Variants in TRPM3 observed in about 807,000 individuals in gnomAD.
The protein encoded by TRPM3 is long transient receptor potential channel 3.
In TRPM3, 77 loss-of-function variants were observed where a neutral mutation model predicts 181.2. That is an observed-to-expected ratio of 0.42 (90% confidence interval 0.35 to 0.51). TRPM3 has a LOEUF of 0.51. Ranked by LOEUF, TRPM3 falls within the 20% of genes least tolerant of loss-of-function variation. The pLI, the probability that TRPM3 is intolerant of heterozygous loss-of-function variation, is 0.01. For synonymous variants in TRPM3, 745 were observed against 796.4 expected (o/e 0.94, Z 1.09); for missense variants, 1,759 against 2,196.7 (o/e 0.80, Z 3.98).
intron 1 of TRPM3, among the ~76,000 whole-genome samples, chr9:70,941,258 G>A (rs1286617390): frequency 2.2e-4 from 33 of 152,276 alleles, no homozygotes; most frequent in Middle Eastern, 3.4e-3. Context: ...AGGAGAAGAC[G>A]GAAGAGCAGA....
At chr9:71,031,159 CAA>C (rs1565018253) in intron 1 of TRPM3, among the ~76,000 whole-genome samples, 2 of 152,024 alleles carry the variant, frequency 1.3e-5, no homozygotes, top group African/African-American at 4.8e-5. Context: ...ATGAAAAAAA[CAA>C]GATACTTAAT....
chr9:71,311,446 T>C (rs1316998069), intron 1 of TRPM3, among the ~76,000 whole-genome samples: 2 of 152,146 alleles, frequency 1.3e-5, no homozygotes, highest in Non-Finnish European at 2.9e-5. Flanking sequence ...GAGAGCCATA[T>C]AGTTAGACAC....
chr9:70,902,151 G>A (rs1053275660), intron 1 of TRPM3, among the ~76,000 whole-genome samples: 6 of 152,298 alleles, frequency 3.9e-5, no homozygotes, highest in Middle Eastern at 3.4e-3. Flanking sequence ...CTCTCCCCAT[G>A]TCTAGCTGTT....
intron 8 of TRPM3, among the ~76,000 whole-genome samples, chr9:70,753,786 G>A (rs1011551320): frequency 6.6e-6 from 1 of 151,832 alleles, no homozygotes; most frequent in Admixed American, 6.6e-5. Flanking sequence ...CTTAGATTTT[G>A]GAGCAGCAAG....
At chr9:71,185,098 C>T (rs1443095240) in intron 1 of TRPM3, among the ~76,000 whole-genome samples, 1 of 152,028 alleles carries the variant, frequency 6.6e-6, no homozygotes, top group African/African-American at 2.4e-5. Flanking sequence ...AGTGTCTTTT[C>T]AAAGATGGCT....
chr9:71,374,691 GA>G (rs1273211692), intron 1 of TRPM3, among the ~76,000 whole-genome samples: 1 of 152,158 alleles, frequency 6.6e-6, no homozygotes, highest in African/African-American at 2.4e-5. Flanking sequence ...CCTATATCTA[GA>G]AAACCCCATT....
chr9:70,806,103 A>G (rs981778703), intron 6 of TRPM3, among the ~76,000 whole-genome samples: 7 of 152,174 alleles, frequency 4.6e-5, no homozygotes, highest in African/African-American at 1.2e-4. Flanking sequence ...AGCGACGCCA[A>G]GGCTCCTTAG....
rs115127300 is a variant in TRPM3 at position 71,286,725 on chromosome 9, T to C, written c.183+159928A>G. On this transcript the variant is annotated intron_variant, in intron 1 of 24. Coordinates refer to the TRPM3 transcript ENST00000357533. ...AATCACGTATTAAATAACCTAGCCA[T>C]TGTCAGCTTCTCGGATTCAATCTTG... Among the ~76,000 whole-genome samples the C allele has an allele frequency of 9.8e-3, 1,495 of 151,936 alleles. 31 individuals carry two copies. The highest frequency in any genetic ancestry group is 0.035 in the African/African-American group (1,431 of 41,436).
At chr9:71,409,405 T>C (rs2093499311) in intron 1 of TRPM3, among the ~76,000 whole-genome samples, 2 of 151,954 alleles carry the variant, frequency 1.3e-5, no homozygotes, top group African/African-American at 4.8e-5. Flanking sequence ...AATAAAGGGA[T>C]AGAGGAAGAT....
At chr9:71,404,818 G>A (rs1453204402) in intron 1 of TRPM3, among the ~76,000 whole-genome samples, 1 of 152,022 alleles carries the variant, frequency 6.6e-6, no homozygotes, top group African/African-American at 2.4e-5. Context: ...TCACAAACCA[G>A]GTCCTTTTGT....
At chr9:71,411,944 C>A (rs887165705) in intron 1 of TRPM3, among the ~76,000 whole-genome samples, 27 of 152,164 alleles carry the variant, frequency 1.8e-4, no homozygotes, top group African/African-American at 6.5e-4. Context: ...AATACCACCA[C>A]ACATCTACAA....
intron 1 of TRPM3, among the ~76,000 whole-genome samples, chr9:71,443,951 C>A (rs544820722): frequency 1.3e-5 from 2 of 152,120 alleles, no homozygotes; most frequent in Admixed American, 6.5e-5. Context: ...GAGGCCAAGG[C>A]GGGCAGATCA....
chr9:71,258,193 C>T (rs538519035), intron 1 of TRPM3, among the ~76,000 whole-genome samples: 1 of 152,184 alleles, frequency 6.6e-6, no homozygotes, highest in South Asian at 2.1e-4. Context: ...ACACATTGGC[C>T]CATTTAAGTC....
At chr9:71,130,305 C>T (rs1176733895) in intron 1 of TRPM3, among the ~76,000 whole-genome samples, 1 of 151,972 alleles carries the variant, frequency 6.6e-6, no homozygotes, top group East Asian at 1.9e-4. Flanking sequence ...AGTTTGGTAT[C>T]TCAAAAAAAT....
Position 70,537,282 on chromosome 9 carries a change from C to A in TRPM3, c.3831G>T (p.Thr1277=), listed in dbSNP as rs138205746. Residue 1277 remains threonine, a synonymous_variant, in exon 26 of 26, where the codon ACG becomes ACT. Transcript: ENST00000677713. ...QLEDLIGRMA[T]ALERLTGLER... ...CCAGACCTGTCAGGCGCTCCAGGGC[C>A]GTGGCCATGCGCCCGATAAGGTCTT... 9.3e-4 allele frequency: 1,457 copies of A among 1,566,210 alleles called. 18 individuals are homozygous for A. In the African/African-American group the frequency reaches 0.018, roughly 19 times the overall value.
At chr9:70,860,877 G>A (rs552428108) in intron 3 of TRPM3, among the ~76,000 whole-genome samples, 5 of 151,986 alleles carry the variant, frequency 3.3e-5, no homozygotes, top group African/African-American at 9.7e-5. Context: ...AAGTCATCCC[G>A]TTTAATGCTT....
intron 1 of TRPM3, among the ~76,000 whole-genome samples, chr9:71,021,052 G>A (rs2097843239): frequency 6.6e-6 from 1 of 152,098 alleles, no homozygotes; most frequent in South Asian, 2.1e-4. Context: ...ACAAAAAAAA[G>A]AAAGAATTAC....
chr9:71,218,042 G>A (rs1450218504), intron 1 of TRPM3, among the ~76,000 whole-genome samples: 1 of 152,162 alleles, frequency 6.6e-6, no homozygotes, highest in Non-Finnish European at 1.5e-5. Context: ...ATAATAAGAT[G>A]GCTTTGCTTT....
At chr9:70,696,764 T>C (rs1318182461) in intron 8 of TRPM3, among the ~76,000 whole-genome samples, 1 of 152,152 alleles carries the variant, frequency 6.6e-6, no homozygotes, top group Non-Finnish European at 1.5e-5. Flanking sequence ...ATGATGATTA[T>C]TGTCATAAAC....
Sources: allele counts gnomAD v4.1 joint callset (sites outside exome capture counted in the v4.1 genomes callset), GRCh38; gene constraint gnomAD v4.1.1; transcripts MANE v1.5; gene names NCBI Gene and HGNC (gene_info 2026-07-23, HGNC 2026-07-21).